The following ZNF808 variants were observed in gnomAD, a reference collection of about 807,000 sequenced individuals.
ZNF808 encodes the protein zinc finger protein 808.
Under a neutral mutation model 8.7 loss-of-function variants are expected in ZNF808, and 5 were observed. The observed-to-expected ratio is 0.58, with a 90% CI of 0.30 to 1.21. ZNF808 has a LOEUF of 1.21. ZNF808 is among the 50% of genes most tolerant of loss of function. ZNF808 has a pLI of 0.07. For synonymous variants in ZNF808, 380 were observed against 366.0 expected (o/e 1.04, Z -0.44); for missense variants, 1,103 against 1,098.4 (o/e 1.00, Z -0.06).
chr19:52,535,210 A>G (rs1189903651), intron 2 of ZNF808, among the ~76,000 whole-genome samples: 1 of 150,550 alleles, frequency 6.6e-6, no homozygotes, highest in Non-Finnish European at 1.5e-5. Flanking sequence ...GGGCGCCTGT[A>G]GTCCCAGTTA....
intron 2 of ZNF808, among the ~76,000 whole-genome samples, chr19:52,540,412 A>C (rs2059659408): frequency 6.6e-6 from 1 of 152,134 alleles, no homozygotes; most frequent in East Asian, 1.9e-4. Context: ...TTCTCTATGA[A>C]ATTTTTTTGA....
At chr19:52,539,177 T>TC (rs1183783702) in intron 2 of ZNF808, among the ~76,000 whole-genome samples, 1 of 140,282 alleles carries the variant, frequency 7.1e-6, no homozygotes, top group Non-Finnish European at 1.5e-5. Context: ...TAGTTCCTCT[T>TC]CATTTCATTT....
At chr19:52,529,901 A>G (rs2059545008) in intron 1 of ZNF808, among the ~76,000 whole-genome samples, 2 of 120,442 alleles carry the variant, frequency 1.7e-5, no homozygotes, top group African/African-American at 7.0e-5. Flanking sequence ...ACATATATAT[A>G]TATATATATA....
At chr19:52,561,186 C>G (rs1479398689), downstream of ZNF808, among the ~76,000 whole-genome samples, 1 of 65,344 alleles carries the variant, frequency 1.5e-5, no homozygotes, top group East Asian at 3.5e-4. Context: ...CTCTCTCTCT[C>G]TCTCTCTCTC....
chr19:52,567,571 C>G (rs921892725), downstream of ZNF808, among the ~76,000 whole-genome samples: 4 of 150,230 alleles, frequency 2.7e-5, no homozygotes, highest in Non-Finnish European at 1.5e-5. Flanking sequence ...GTTCCCTGGG[C>G]TGGAGTACAA....
chr19:52,547,376 CA>C, intron 3 of ZNF808, 135 bp from the exon 4 acceptor site: 3 of 1,517,924 alleles, frequency 2.0e-6, no homozygotes, highest in Non-Finnish European at 2.6e-6. Flanking sequence ...AAAAAATAGT[CA>C]AAAATACCTT....
At chr19:52,543,731 C>T (rs192467554) in intron 3 of ZNF808, among the ~76,000 whole-genome samples, 7 of 152,146 alleles carry the variant, frequency 4.6e-5, no homozygotes, top group Non-Finnish European at 7.4e-5. Flanking sequence ...TGTTAATGTG[C>T]GCAGATGTGT....
Position 52,553,936 on chromosome 19 carries a change from G to A in ZNF808, c.1020G>A (p.Glu340=), listed in dbSNP as rs113328443. The part of the protein sequence containing the change: ...LVIHKAIHTG[E]KPYKCNECGK... Reference sequence around the variant, plus strand: ...TTCATAAGGCAATTCATACTGGAGAGAAACCTTACAAGTGTAATGAATGTG... The same window carrying A: ...TTCATAAGGCAATTCATACTGGAGAAAAACCTTACAAGTGTAATGAATGTG... The change falls in exon 5 of 5, where the codon GAG becomes GAA. Residue 340 remains glutamate (E), a synonymous_variant. Transcript: ENST00000359798. 1,556 of 1,614,118 alleles carry A rather than the reference G, an allele frequency of 9.6e-4. 10 individuals carry two copies. The African/African-American group carries it at 0.018, about 18-fold the overall frequency.
chr19:52,530,312 G>A (rs539248473), intron 1 of ZNF808, among the ~76,000 whole-genome samples: 6 of 152,156 alleles, frequency 3.9e-5, no homozygotes, highest in Admixed American at 3.3e-4. Context: ...CCGCTGCCTC[G>A]GCCTCCCAAA....
Position 52,554,110 on chromosome 19 carries a change from A to T in ZNF808, c.1194A>T (p.Thr398=). The T allele has an allele frequency of 1.9e-6, 3 of 1,614,088 alleles. No individual in the cohort carries two copies. The East Asian group carries it at 6.7e-5, about 36-fold the overall frequency. The change falls in exon 5 of 5, where the codon ACA becomes ACT. Residue 398 remains threonine (T), a synonymous_variant. Transcript: ENST00000359798. ...NHTRIHSGEK[T]YKCNECGKAF... ...CTAGAATTCATAGTGGAGAGAAAAC[A>T]TACAAGTGTAATGAGTGTGGTAAGG...
intron 2 of ZNF808, among the ~76,000 whole-genome samples, chr19:52,537,302 C>G (rs1433495004): frequency 1.3e-5 from 2 of 151,588 alleles, no homozygotes; most frequent in African/African-American, 2.4e-5. Flanking sequence ...ATGAGGAGCA[C>G]AATCCCAGGG....
downstream of ZNF808, among the ~76,000 whole-genome samples, chr19:52,557,557 C>T (rs2059842458): frequency 6.6e-6 from 1 of 152,174 alleles, no homozygotes; most frequent in Admixed American, 6.5e-5. Context: ...CGTGAGCCAT[C>T]GTGCCTGAAG....
At chr19:52,560,009 T>G (rs1298217464), downstream of ZNF808, among the ~76,000 whole-genome samples, 3 of 152,240 alleles carry the variant, frequency 2.0e-5, no homozygotes, top group African/African-American at 7.2e-5. Flanking sequence ...GTAAGTATTT[T>G]TCATTTTTGT....
Position 52,553,356 on chromosome 19 carries a change from C to T in ZNF808, c.440C>T (p.Ala147Val), listed in dbSNP as rs778722618. 7 of 1,614,074 alleles carry T rather than the reference C, an allele frequency of 4.3e-6. No homozygotes were observed. The highest frequency in any genetic ancestry group is 5.9e-6 in the Non-Finnish European group (7 of 1,179,968). Reference protein sequence around the residue: ...GSTDQHDHRHAGNKPIKDQLG... With the variant: ...GSTDQHDHRHVGNKPIKDQLG... ...ACAGACCAACATGATCACAGGCATGCTGGAAACAAGCCTATTAAAGATCAG... is the reference window on the plus strand; with the variant it reads ...ACAGACCAACATGATCACAGGCATGTTGGAAACAAGCCTATTAAAGATCAG... The change falls in exon 5 of 5, where the codon GCT becomes GTT. Residue 147 changes from alanine (A) to valine (V), a missense_variant. Coordinates refer to ENST00000359798, the MANE Select transcript of ZNF808 (RefSeq NM_001039886.4).
At chr19:52,563,531 TA>T (rs1456801816) in exon 4 of ZNF808, 3 of 152,478 alleles carry the variant, frequency 2.0e-5, no homozygotes, top group African/African-American at 7.2e-5. Flanking sequence ...AGATGCTGTC[TA>T]AAAAAGAATA....
intron 2 of ZNF808, among the ~76,000 whole-genome samples, chr19:52,541,858 A>C (rs2059673859): frequency 6.6e-6 from 1 of 152,088 alleles, no homozygotes; most frequent in Non-Finnish European, 1.5e-5. Flanking sequence ...TGGGTCATCA[A>C]ACAGGCATCC....
chr19:52,543,505 C>T (rs983978119), intron 3 of ZNF808, among the ~76,000 whole-genome samples, 158 bp downstream of exon 3: 4 of 152,200 alleles, frequency 2.6e-5, no homozygotes, highest in Non-Finnish European at 5.9e-5. Context: ...TGCCTGCCCT[C>T]AGTTCCTCTC....
At chr19:52,550,293 C>G (rs370513824) in intron 4 of ZNF808, among the ~76,000 whole-genome samples, 3 of 151,620 alleles carry the variant, frequency 2.0e-5, no homozygotes, top group African/African-American at 7.3e-5. Flanking sequence ...TTCAATTGCA[C>G]AATCTCAGTT....
chr19:52,537,484 C>G (rs1187694116), intron 2 of ZNF808, among the ~76,000 whole-genome samples: 1 of 151,976 alleles, frequency 6.6e-6, no homozygotes, highest in African/African-American at 2.4e-5. Context: ...TCCAGGAGTT[C>G]AAGACCAGCC....
Sources: gnomAD v4.1 joint callset for allele counts (sites outside exome capture counted in the v4.1 genomes callset) on GRCh38, gnomAD v4.1.1 for gene constraint, MANE v1.5 for transcripts, NCBI Gene and HGNC (gene_info 2026-07-23, HGNC 2026-07-21) for gene names.